PPARD: variants seen among roughly 807,000 people sequenced by gnomAD.
The protein encoded by PPARD is peroxisome proliferator activated receptor delta.
A neutral mutation model predicts 39.5 loss-of-function variants in PPARD; 6 were observed. The ratio of observed to expected loss-of-function variants is 0.15; its 90% CI spans 0.08 to 0.30. The LOEUF is 0.30. Among genes scored for constraint, PPARD ranks in the 10% least tolerant of loss-of-function variants. The pLI is 1.00. For missense variants in PPARD, 397 were observed against 596.8 expected (o/e 0.67, Z 3.49); for synonymous variants, 210 against 231.3 (o/e 0.91, Z 0.83).
chr6:35,401,698 A>G lies in PPARD; in HGVS notation c.-101-9289A>G, dbSNP rs760545160. Among the ~76,000 whole-genome samples the G allele has an allele frequency of 6.6e-6, 1 of 152,126 alleles. No homozygotes were observed. Among genetic ancestry groups the G allele is most frequent in the Non-Finnish European group, 1.5e-5 (1 of 67,996 alleles). On this transcript the variant is annotated intron_variant, in intron 2 of 7. Transcript: ENST00000360694. This position sits in a 1 kb window ranked among gnomAD's most constrained non-coding sequence, Gnocchi z 4.1. ...TCTCCTGGCCACTCGCACCTGACTC[A>G]TGTGCTCTGAGTGCCACACCTTGCT... is the stretch of plus-strand genomic sequence containing the variant.
In PPARD at chr6:35,427,212, C is replaced by G. The variant is rs41350546; in HGVS notation, c.*1133C>G. On this transcript the variant is annotated 3_prime_UTR_variant, in exon 8 of 8. Coordinates refer to ENST00000360694, the MANE Select transcript of PPARD (RefSeq NM_006238.5). ...TAGCTGGCTCCACGGGAGTTCAGGCCCCACTCCCCCTGAAGCTGCCCCTCC... is the reference window on the plus strand; with the variant it reads ...TAGCTGGCTCCACGGGAGTTCAGGCGCCACTCCCCCTGAAGCTGCCCCTCC... 58 of 160,714 alleles carry G rather than the reference C, an allele frequency of 3.6e-4. 1 individual carries two copies. Among genetic ancestry groups the G allele is most frequent in the Admixed American group, 1.6e-3 (25 of 15,438 alleles). 10.0% of individuals were successfully genotyped at this position (160,714 alleles called of 1,614,324 possible). A position where few individuals can be genotyped will look rare whatever the true frequency, so the allele number is the denominator to read the frequency against.
At chr6:35,357,310 T>C (rs1217483101) in intron 2 of PPARD, among the ~76,000 whole-genome samples, 1 of 152,226 alleles carries the variant, frequency 6.6e-6, no homozygotes. Context: ...CTTGTTCATG[T>C]GGTCCAGACC....
chr6:35,349,180 C>T (rs1761080174), intron 2 of PPARD, among the ~76,000 whole-genome samples: 1 of 151,954 alleles, frequency 6.6e-6, no homozygotes, highest in Non-Finnish European at 1.5e-5. Flanking sequence ...CGCCCGCCAC[C>T]ACGCCCGGCT....
In PPARD at chr6:35,424,952, T is replaced by C. The variant is rs1766473590; in HGVS notation, c.1078+173T>C. 1 of 1,435,408 alleles carries C rather than the reference T, an allele frequency of 7.0e-7. No homozygotes were observed. Among genetic ancestry groups the C allele is most frequent in the East Asian group, 2.5e-5 (1 of 39,948 alleles). 88.9% of individuals were successfully genotyped at this position (1,435,408 alleles called of 1,614,324 possible). ...AGCATGCAGGATCAGCTCCATCTCATTATGTACGTAGATAGAGGTGGAGAC... is the reference window on the plus strand; with the variant it reads ...AGCATGCAGGATCAGCTCCATCTCACTATGTACGTAGATAGAGGTGGAGAC... On this transcript the variant is annotated intron_variant, in intron 7 of 7. Transcript: ENST00000360694. This position sits in a 1 kb window ranked among gnomAD's most constrained non-coding sequence, Gnocchi z 7.1.
intron 2 of PPARD, among the ~76,000 whole-genome samples, chr6:35,384,677 G>T (rs1399693576): frequency 2.8e-5 from 2 of 70,410 alleles, no homozygotes; most frequent in South Asian, 4.9e-4. Flanking sequence ...TCAGCCCCCC[G>T]CCTGGCCAGC....
chr6:35,392,031 C>T lies in PPARD; in HGVS notation c.-101-18956C>T, dbSNP rs571703260. 9.7e-4 allele frequency among the ~76,000 whole-genome samples: 148 copies of T among 151,982 alleles called. 1 individual carries two copies. The highest frequency in any genetic ancestry group is 3.4e-3 in the African/African-American group (143 of 41,464). ...CAGAAGAGCACCAAGCCTTATAGGCCCTGACAGGTGAGAGGGAAGAGAGAG... is the reference window on the plus strand; with the variant it reads ...CAGAAGAGCACCAAGCCTTATAGGCTCTGACAGGTGAGAGGGAAGAGAGAG... On this transcript the variant is annotated intron_variant, in intron 2 of 7. Transcript: ENST00000360694.
At chr6:35,373,432 C>T (rs557474356) in intron 2 of PPARD, among the ~76,000 whole-genome samples, 41 of 152,262 alleles carry the variant, frequency 2.7e-4, no homozygotes, top group African/African-American at 8.9e-4. Context: ...CCACTGGACA[C>T]GCAGCTGCAT....
At chr6:35,400,130 G>A (rs1764610296) in intron 2 of PPARD, among the ~76,000 whole-genome samples, 1 of 152,178 alleles carries the variant, frequency 6.6e-6, no homozygotes. Context: ...GGAAGGTTGA[G>A]AAGTCTCTCT....
In PPARD at chr6:35,370,643, C is replaced by A. The variant is rs372139086; in HGVS notation, c.-102+23493C>A. On this transcript the variant is annotated intron_variant, in intron 2 of 7. Transcript: ENST00000360694. ...TTCCTGTCTGGAAAAGCCTGCTACC[C>A]GCCCATGGTGAAGAGTCACCCCAGA... 2.3e-4 allele frequency among the ~76,000 whole-genome samples: 35 copies of A among 152,282 alleles called. No individual in the cohort carries two copies. The East Asian group carries it at 6.6e-3, about 29-fold the overall frequency.
At chr6:35,355,077 C>T (rs976029172) in intron 2 of PPARD, among the ~76,000 whole-genome samples, 2 of 152,148 alleles carry the variant, frequency 1.3e-5, no homozygotes, top group African/African-American at 2.4e-5. Context: ...ACTTCTGAAC[C>T]AGCCCAGATT....
At chr6:35,360,152 C>T (rs916207681) in intron 2 of PPARD, among the ~76,000 whole-genome samples, 2 of 152,152 alleles carry the variant, frequency 1.3e-5, no homozygotes, top group Admixed American at 1.3e-4. Flanking sequence ...CATACTGGCT[C>T]CCTGGATCTG....
intron 1 of PPARD, among the ~76,000 whole-genome samples, chr6:35,344,279 C>G (rs1792040678): frequency 6.6e-6 from 1 of 152,028 alleles, no homozygotes; most frequent in Admixed American, 6.6e-5. Context: ...AACGGCAATC[C>G]CAGAGCTCTG....
At chr6:35,353,105 T>A (rs1761360411) in intron 2 of PPARD, among the ~76,000 whole-genome samples, 1 of 152,236 alleles carries the variant, frequency 6.6e-6, no homozygotes, top group Non-Finnish European at 1.5e-5. Context: ...TGATTTTCAT[T>A]CCTGGAAGCT....
intron 2 of PPARD, among the ~76,000 whole-genome samples, chr6:35,398,593 C>T (rs765540309): frequency 6.6e-6 from 1 of 151,926 alleles, no homozygotes; most frequent in Non-Finnish European, 1.5e-5. Context: ...AGAGATGGAG[C>T]GTAGATGGAG....
Position 35,425,141 on chromosome 6 carries a change from G to A in PPARD, c.1078+362G>A. On this transcript the variant is annotated intron_variant, in intron 7 of 7. Coordinates refer to ENST00000360694, the MANE Select transcript of PPARD (RefSeq NM_006238.5). The surrounding 1 kb of genome is among the most constrained non-coding windows in gnomAD (Gnocchi z 4.5). ...TACAAAAAATTAGCCAGATGTGGTGGCACGCGCCTGTAATCCCAGCTACTT... is the reference window on the plus strand; with the variant it reads ...TACAAAAAATTAGCCAGATGTGGTGACACGCGCCTGTAATCCCAGCTACTT... 1.3e-6 allele frequency: 1 copy of A among 757,738 alleles called. No individual in the cohort carries two copies. The highest frequency in any genetic ancestry group is 1.7e-6 in the Non-Finnish European group (1 of 598,612). The allele number at this position is 757,738 out of a possible 1,614,324, so 46.9% of individuals were successfully genotyped here.
intron 2 of PPARD, among the ~76,000 whole-genome samples, chr6:35,394,710 C>G (rs1764210326): frequency 6.6e-6 from 1 of 151,288 alleles, no homozygotes; most frequent in Admixed American, 6.6e-5. Context: ...GGTGGAGGTT[C>G]CAGTGAGCCG....
chr6:35,351,027 G>GTT (rs2150434382), intron 2 of PPARD, among the ~76,000 whole-genome samples: 1 of 151,850 alleles, frequency 6.6e-6, no homozygotes, highest in East Asian at 2.0e-4. Context: ...TTGTTTGTTT[G>GTT]TTTGTTTTTG....
rs1019052837 is a variant in PPARD, at chr6:35,366,397, A to G, written c.-102+19247A>G. Among the ~76,000 whole-genome samples, 15 of 151,648 alleles carry G rather than the reference A, an allele frequency of 9.9e-5. No homozygotes were observed. The South Asian group carries it at 1.0e-3, about 10-fold the overall frequency. On this transcript the variant is annotated intron_variant, in intron 2 of 7. Coordinates refer to ENST00000360694, the MANE Select transcript of PPARD (RefSeq NM_006238.5). This position sits in a 1 kb window ranked among gnomAD's most constrained non-coding sequence, Gnocchi z 4.6. The stretch of plus-strand genomic sequence containing the variant: ...CAGTGTGAGCCATGGAAGGTCTTTG[A>G]GCAGGAGAATAATGTGATAGTTGCT...
chr6:35,375,465 C>T (rs1762761935), intron 2 of PPARD, among the ~76,000 whole-genome samples: 2 of 152,174 alleles, frequency 1.3e-5, no homozygotes, highest in Non-Finnish European at 2.9e-5. Flanking sequence ...ATCCACCCAC[C>T]TCGGCCTCCC....
Sources: allele counts gnomAD v4.1 joint callset (sites outside exome capture counted in the v4.1 genomes callset), GRCh38; gene constraint gnomAD v4.1.1; non-coding constraint Gnocchi (gnomAD v3.1); transcripts MANE v1.5; gene names NCBI Gene and HGNC (gene_info 2026-07-23, HGNC 2026-07-21).